DOCK3: variants seen among roughly 807,000 people sequenced by gnomAD.
DOCK3 encodes the protein dedicator of cytokinesis protein 3.
In DOCK3, 60 loss-of-function variants were observed where a neutral mutation model predicts 265.6. The ratio of observed to expected loss-of-function variants is 0.23; its 90% CI spans 0.18 to 0.28. The LOEUF is 0.28. Ranked by LOEUF, DOCK3 falls within the 10% of genes least tolerant of loss-of-function variation. The probability of loss-of-function intolerance (pLI) is 1.00; values close to 1 mark genes in which losing one functional copy is unlikely to be tolerated. For synonymous variants in DOCK3, 881 were observed against 938.0 expected (o/e 0.94, Z 1.11); for missense variants, 1,981 against 2,594.3 (o/e 0.76, Z 5.14).
intron 3 of DOCK3, among the ~76,000 whole-genome samples, chr3:50,876,111 G>A (rs1279720738): frequency 6.6e-6 from 1 of 152,010 alleles, no homozygotes; most frequent in Non-Finnish European, 1.5e-5. Flanking sequence ...AACAGAACCT[G>A]TTCCTCAGGT....
At chr3:51,229,737 G>A in intron 19 of DOCK3, 128 bp downstream of exon 19, 1 of 581,050 alleles carries the variant, frequency 1.7e-6, no homozygotes, top group South Asian at 5.2e-5. Context: ...TGTTGTTGTT[G>A]TTGTTAGCTT....
chr3:50,834,506 A>T (rs959998712), intron 2 of DOCK3, among the ~76,000 whole-genome samples: 1 of 152,178 alleles, frequency 6.6e-6, no homozygotes, highest in Admixed American at 6.5e-5. Flanking sequence ...AAGAAAGCCA[A>T]ACACCATTTC....
chr3:50,782,251 A>T lies in DOCK3; in HGVS notation c.121+3493A>T, dbSNP rs950520580. Among the ~76,000 whole-genome samples, 3 of 150,982 alleles carry T rather than the reference A, an allele frequency of 2.0e-5. No individual in the cohort carries two copies. In the East Asian group the frequency reaches 5.8e-4, roughly 29 times the overall value. On this transcript the variant is annotated intron_variant, in intron 2 of 52. Coordinates refer to ENST00000266037, the MANE Select transcript of DOCK3 (RefSeq NM_004947.5). ...TTTACACTCCTGCCTACAGTGTTTA[A>T]GCATTCTTTTATCTCAGCAGTCTCA...
rs1195791255 is a variant in DOCK3 at position 50,804,451 on chromosome 3, T to C, written c.121+25693T>C. On this transcript the variant is annotated intron_variant, in intron 2 of 52. Transcript: ENST00000266037. ...CACTGCACTCCAGCCTGGGCAACATTGAGCACTGAGTGAGCAAGACTCCGT... is the reference window on the plus strand; with the variant it reads ...CACTGCACTCCAGCCTGGGCAACATCGAGCACTGAGTGAGCAAGACTCCGT... Among the ~76,000 whole-genome samples the C allele has an allele frequency of 2.0e-5, 3 of 152,026 alleles. No individual in the cohort carries two copies. In the East Asian group the frequency reaches 5.8e-4, roughly 29 times the overall value.
intron 3 of DOCK3, among the ~76,000 whole-genome samples, chr3:50,864,296 AT>A (rs986248864): frequency 2.6e-5 from 4 of 151,558 alleles, no homozygotes; most frequent in African/African-American, 9.7e-5. Flanking sequence ...TTAAAATTGG[AT>A]TTTTTTTCTT....
intron 1 of DOCK3, among the ~76,000 whole-genome samples, chr3:50,772,294 G>A (rs918663705): frequency 6.6e-6 from 1 of 152,212 alleles, no homozygotes; most frequent in Non-Finnish European, 1.5e-5. Flanking sequence ...ACTAGAGGGT[G>A]CGAAGGGTAG....
chr3:51,290,407 C>T (rs2081666471), intron 27 of DOCK3, among the ~76,000 whole-genome samples: 1 of 152,052 alleles, frequency 6.6e-6, no homozygotes, highest in African/African-American at 2.4e-5. Context: ...AAGCTGGAAA[C>T]CATCATTCTC....
At chr3:51,054,763 A>G (rs2081138790) in intron 5 of DOCK3, among the ~76,000 whole-genome samples, 1 of 152,144 alleles carries the variant, frequency 6.6e-6, no homozygotes, top group South Asian at 2.1e-4. Context: ...CCTGCTTTTA[A>G]CTTCCAAAAG....
intron 25 of DOCK3, among the ~76,000 whole-genome samples, chr3:51,277,048 T>C (rs2080854282): frequency 6.6e-6 from 1 of 152,064 alleles, no homozygotes; most frequent in Non-Finnish European, 1.5e-5. Context: ...GAGCTAGAAG[T>C]GGACCCAGGC....
At chr3:51,166,122 C>G (rs1194584216) in intron 12 of DOCK3, among the ~76,000 whole-genome samples, 1 of 150,646 alleles carries the variant, frequency 6.6e-6, no homozygotes, top group Non-Finnish European at 1.5e-5. Flanking sequence ...GCAATCTCAG[C>G]TCACTGCAAC....
intron 2 of DOCK3, among the ~76,000 whole-genome samples, 200 bp from the exon 3 acceptor site, chr3:50,841,475 A>G (rs997473393): frequency 6.6e-6 from 1 of 152,094 alleles, no homozygotes; most frequent in African/African-American, 2.4e-5. Flanking sequence ...TATGCCTTGT[A>G]ATGAAAATTA....
chr3:51,251,661 A>C (rs1199483088), intron 22 of DOCK3, among the ~76,000 whole-genome samples: 1 of 152,198 alleles, frequency 6.6e-6, no homozygotes, highest in East Asian at 1.9e-4. Flanking sequence ...TGGCTGCATA[A>C]ATGTCTTCTT....
At chr3:51,160,771 A>G in intron 12 of DOCK3, 69 bp downstream of exon 12, 1 of 1,535,718 alleles carries the variant, frequency 6.5e-7, no homozygotes, top group Non-Finnish European at 8.8e-7. Flanking sequence ...CCTTGAGAGT[A>G]GTAGTGCTCA....
chr3:50,813,793 A>T (rs1049706572), intron 2 of DOCK3, among the ~76,000 whole-genome samples: 1 of 152,220 alleles, frequency 6.6e-6, no homozygotes, highest in Non-Finnish European at 1.5e-5. Context: ...TAATACAAAC[A>T]GACCTCATAA....
chr3:51,299,154 C>T (rs1199837923), intron 27 of DOCK3, among the ~76,000 whole-genome samples: 1 of 152,136 alleles, frequency 6.6e-6, no homozygotes, highest in Admixed American at 6.5e-5. Context: ...TTTTCATTTG[C>T]ATTTCTCTAA....
intron 5 of DOCK3, among the ~76,000 whole-genome samples, chr3:50,949,061 C>T (rs1161178675): frequency 6.6e-6 from 1 of 152,098 alleles, no homozygotes; most frequent in African/African-American, 2.4e-5. Flanking sequence ...GAACCCTGTT[C>T]CTTACCTTAC....
chr3:50,927,034 T>C lies in DOCK3; in HGVS notation c.219-6947T>C, dbSNP rs573180300. ...TTCTTACAAAGGCTTACAAGTTTTA[T>C]GATGTGACTTCCTGTCACCCTGTAA... On this transcript the variant is annotated intron_variant, in intron 4 of 52. Transcript: ENST00000266037. 5.3e-5 allele frequency among the ~76,000 whole-genome samples: 8 copies of C among 152,250 alleles called. No individual in the cohort carries two copies. In the South Asian group the frequency reaches 1.7e-3, roughly 31 times the overall value.
In DOCK3 at chr3:51,225,671, C is replaced by T; in HGVS notation, c.1275C>T (p.Tyr425=). Residue 425 remains tyrosine (Y), a synonymous_variant, in exon 15 of 53, where the codon TAC becomes TAT. Coordinates refer to ENST00000266037, the MANE Select transcript of DOCK3 (RefSeq NM_004947.5). ...CAGGTGATATCCGCAATGACCTGTA[C>T]CTAACCCTGGAGAAGGGGGATTTCG... ...IMPGDIRNDL[Y]LTLEKGDFER... The T allele has an allele frequency of 6.2e-7, 1 of 1,613,398 alleles. No individual in the cohort carries two copies. Among genetic ancestry groups the T allele is most frequent in the Non-Finnish European group, 8.5e-7 (1 of 1,179,582 alleles).
chr3:50,844,161 A>G (rs553514835), intron 3 of DOCK3, among the ~76,000 whole-genome samples: 1 of 152,370 alleles, frequency 6.6e-6, no homozygotes, highest in African/African-American at 2.4e-5. Flanking sequence ...AGTAAAACAC[A>G]GAATAGCTCA....
Sources: allele counts gnomAD v4.1 joint callset (sites outside exome capture counted in the v4.1 genomes callset), GRCh38; gene constraint gnomAD v4.1.1; transcripts MANE v1.5; gene names NCBI Gene and HGNC (gene_info 2026-07-23, HGNC 2026-07-21).